The following EPHA6 variants were observed in gnomAD, a reference collection of about 807,000 sequenced individuals.
EPHA6 encodes ephrin type-A receptor 6.
EPHA6 carries 50 observed loss-of-function variants against 112.0 expected under a neutral mutation model. That is an observed-to-expected ratio of 0.45 (90% confidence interval 0.36 to 0.56). The LOEUF is 0.56. Among genes scored for constraint, EPHA6 ranks in the 20% least tolerant of loss-of-function variants. The pLI, the probability that EPHA6 is intolerant of heterozygous loss-of-function variation, is 0.00. For synonymous variants in EPHA6, 529 were observed against 490.7 expected (o/e 1.08, Z -1.03); for missense variants, 1,280 against 1,417.4 (o/e 0.90, Z 1.56).
At chr3:96,975,148 A>G (rs1576217806) in intron 2 of EPHA6, among the ~76,000 whole-genome samples, 1 of 152,116 alleles carries the variant, frequency 6.6e-6, no homozygotes, top group East Asian at 1.9e-4. Flanking sequence ...GGTGGTCTAT[A>G]AGTACCAGAT....
chr3:97,745,336 A>G, intron 16 of EPHA6: 1 of 451,122 alleles, frequency 2.2e-6, no homozygotes, highest in South Asian at 1.6e-5. Context: ...CCAATCTTTG[A>G]ATATGACTGA....
chr3:97,222,008 A>G (rs1426029573), intron 3 of EPHA6, among the ~76,000 whole-genome samples: 3 of 151,546 alleles, frequency 2.0e-5, no homozygotes, highest in Non-Finnish European at 4.4e-5. Flanking sequence ...AGCCTGGACA[A>G]CAGAGCCAGA....
At chr3:96,991,543 G>A (rs1435677869) in intron 3 of EPHA6, among the ~76,000 whole-genome samples, 2 of 152,106 alleles carry the variant, frequency 1.3e-5, no homozygotes, top group Admixed American at 6.6e-5. Flanking sequence ...ATGAGTATCC[G>A]AGGAGATAGC....
At chr3:97,072,612 G>A (rs2046394895) in intron 3 of EPHA6, among the ~76,000 whole-genome samples, 1 of 151,972 alleles carries the variant, frequency 6.6e-6, no homozygotes, top group Non-Finnish European at 1.5e-5. Flanking sequence ...CTAATACAGG[G>A]CAAAAACTAA....
intron 7 of EPHA6, among the ~76,000 whole-genome samples, chr3:97,451,304 C>G (rs75988875): frequency 6.6e-6 from 1 of 151,830 alleles, no homozygotes; most frequent in African/African-American, 2.4e-5. Flanking sequence ...AAGATTATGC[C>G]TCATTTTAGA....
intron 2 of EPHA6, among the ~76,000 whole-genome samples, chr3:96,962,388 A>G (rs2041977163): frequency 6.6e-6 from 1 of 151,498 alleles, no homozygotes. Context: ...AGTATTGTGT[A>G]GAATGGATTA....
At chr3:97,391,568 T>C (rs868527834) in intron 5 of EPHA6, among the ~76,000 whole-genome samples, 6 of 151,868 alleles carry the variant, frequency 4.0e-5, no homozygotes, top group Non-Finnish European at 5.9e-5. Context: ...TGAAAGAGCA[T>C]AGGAAGTAGA....
chr3:96,964,183 G>C (rs975333859), intron 2 of EPHA6, among the ~76,000 whole-genome samples: 1 of 151,930 alleles, frequency 6.6e-6, no homozygotes, highest in African/African-American at 2.4e-5. Context: ...ATGCTCATTC[G>C]TTATTTTAAG....
chr3:96,817,929 A>C (rs2032931347), intron 1 of EPHA6, among the ~76,000 whole-genome samples: 1 of 151,904 alleles, frequency 6.6e-6, no homozygotes, highest in South Asian at 2.1e-4. Flanking sequence ...AAGATGAAAT[A>C]AATCAATTTG....
chr3:97,203,959 T>C (rs969930159), intron 3 of EPHA6, among the ~76,000 whole-genome samples: 7 of 152,062 alleles, frequency 4.6e-5, no homozygotes, highest in Non-Finnish European at 1.0e-4. Flanking sequence ...ATTGTGCACA[T>C]GTACCCTAAA....
intron 13 of EPHA6, among the ~76,000 whole-genome samples, chr3:97,635,072 T>C (rs748104139): frequency 6.6e-6 from 1 of 151,996 alleles, no homozygotes; most frequent in Non-Finnish European, 1.5e-5. Flanking sequence ...TTTTGTACCA[T>C]TTGTGCAAAT....
intron 6 of EPHA6, among the ~76,000 whole-genome samples, chr3:97,410,586 T>A (rs531652465): frequency 6.6e-6 from 1 of 152,200 alleles, no homozygotes; most frequent in Non-Finnish European, 1.5e-5. Context: ...CATACAAAGT[T>A]AAATGTCGTT....
chr3:97,525,681 T>A (rs1577666913), intron 10 of EPHA6, among the ~76,000 whole-genome samples: 3 of 152,176 alleles, frequency 2.0e-5, no homozygotes. Context: ...TTGATGAGAT[T>A]ACCTCTGGGC....
At chr3:97,595,677 A>G (rs1310537946) in intron 12 of EPHA6, among the ~76,000 whole-genome samples, 1 of 150,118 alleles carries the variant, frequency 6.7e-6, no homozygotes, top group Non-Finnish European at 1.5e-5. Flanking sequence ...CACAGGAGAG[A>G]AGAGGAGAGG....
intron 2 of EPHA6, among the ~76,000 whole-genome samples, chr3:96,969,476 A>G (rs1001065421): frequency 6.6e-6 from 1 of 151,940 alleles, no homozygotes; most frequent in Admixed American, 6.6e-5. Context: ...AAATAGAGCT[A>G]TAATTTTAAT....
chr3:96,872,227 A>C (rs2036666961), intron 2 of EPHA6, among the ~76,000 whole-genome samples: 1 of 152,084 alleles, frequency 6.6e-6, no homozygotes, highest in South Asian at 2.1e-4. Flanking sequence ...CACAATCTGC[A>C]AAGCCAGCGT....
chr3:97,472,429 G>C (rs2091254613), intron 7 of EPHA6, among the ~76,000 whole-genome samples: 1 of 151,580 alleles, frequency 6.6e-6, no homozygotes, highest in African/African-American at 2.4e-5. Flanking sequence ...TAAGAGTTTG[G>C]CTCATTCAAG....
intron 5 of EPHA6, among the ~76,000 whole-genome samples, chr3:97,339,023 T>G (rs2083185653): frequency 6.6e-6 from 1 of 152,230 alleles, no homozygotes; most frequent in African/African-American, 2.4e-5. Context: ...TGATCCTGTC[T>G]TAAGTCATCT....
chr3:97,684,962 G>A (rs4582088), intron 14 of EPHA6, among the ~76,000 whole-genome samples: 12,345 of 152,150 alleles, frequency 0.081, 812 homozygotes, highest in African/African-American at 0.19. Context: ...GGTATTGCAC[G>A]AAACTAGGTG....
Sources: allele counts gnomAD v4.1 joint callset (sites outside exome capture counted in the v4.1 genomes callset), GRCh38; gene constraint gnomAD v4.1.1; transcripts MANE v1.5; gene names NCBI Gene and HGNC (gene_info 2026-07-23, HGNC 2026-07-21).